STAM: variants seen among roughly 807,000 people sequenced by gnomAD.
STAM encodes the protein signal transducing adaptor molecule.
Under a neutral mutation model 63.4 loss-of-function variants are expected in STAM, and 16 were observed. That is an observed-to-expected ratio of 0.25 (90% confidence interval 0.17 to 0.38). The LOEUF (loss-of-function observed/expected upper bound fraction) is 0.38, where lower values mean the gene tolerates loss of function less well. Ranked by LOEUF, STAM falls within the 10% of genes least tolerant of loss-of-function variation. The pLI is 1.00. For synonymous variants in STAM, 238 were observed against 223.9 expected (o/e 1.06, Z -0.56); for missense variants, 636 against 657.1 (o/e 0.97, Z 0.35).
chr10:17,691,116 T>C lies in STAM; in HGVS notation c.445-2106T>C, dbSNP rs202178748. 3.3e-5 allele frequency among the ~76,000 whole-genome samples: 5 copies of C among 152,338 alleles called. No individual in the cohort carries two copies. In the East Asian group the frequency reaches 9.6e-4, roughly 29 times the overall value. On this transcript the variant is annotated intron_variant, in intron 5 of 13. Coordinates refer to ENST00000377524, the MANE Select transcript of STAM (RefSeq NM_003473.4). ...TGTAGTTTTCAGAAGTGTCTGATAA[T>C]TAAAACATTATCTAAAGAAAATTGC...
At chr10:17,674,527 C>T (rs797038477) in intron 2 of STAM, among the ~76,000 whole-genome samples, 53 of 152,298 alleles carry the variant, frequency 3.5e-4, no homozygotes, top group African/African-American at 1.2e-3. Flanking sequence ...AAGGCCTCTG[C>T]TTGTGGCTTG....
intron 2 of STAM, among the ~76,000 whole-genome samples, chr10:17,681,568 A>G (rs946425970): frequency 8.5e-5 from 13 of 152,282 alleles, no homozygotes; most frequent in Admixed American, 2.0e-4. Context: ...CAAATAATTT[A>G]TAGATGTTGA....
chr10:17,683,793 G>C (rs1368746121), intron 2 of STAM, among the ~76,000 whole-genome samples: 2 of 152,126 alleles, frequency 1.3e-5, no homozygotes, highest in Non-Finnish European at 2.9e-5. Context: ...TTTTCTGCTA[G>C]TTGTGTATGG....
intron 12 of STAM, among the ~76,000 whole-genome samples, chr10:17,708,040 G>A (rs1554829551): frequency 6.6e-6 from 1 of 152,112 alleles, no homozygotes; most frequent in South Asian, 2.1e-4. Flanking sequence ...GCAGGCGCCC[G>A]CCACCACGCC....
intron 2 of STAM, among the ~76,000 whole-genome samples, chr10:17,673,435 C>A (rs1210827124): frequency 6.6e-6 from 1 of 152,138 alleles, no homozygotes; most frequent in Non-Finnish European, 1.5e-5. Flanking sequence ...GCATCAGCCA[C>A]GTTGAAGGCA....
intron 11 of STAM, among the ~76,000 whole-genome samples, chr10:17,705,248 T>C (rs1053431317): frequency 1.3e-5 from 2 of 152,128 alleles, no homozygotes; most frequent in Admixed American, 6.6e-5. Context: ...CCAGCGTAGA[T>C]AGGTCGTTTT....
In STAM at chr10:17,696,311, T is replaced by A. The variant is rs555840932; in HGVS notation, c.729-464T>A. Among the ~76,000 whole-genome samples, 30 of 152,242 alleles carry A rather than the reference T, an allele frequency of 2.0e-4. No individual in the cohort carries two copies. The South Asian group carries it at 6.2e-3, about 32-fold the overall frequency. On this transcript the variant is annotated intron_variant, in intron 7 of 13. Coordinates refer to ENST00000377524, the MANE Select transcript of STAM (RefSeq NM_003473.4). ...AGTTTACACCTAGGAGTGTACTCTT[T>A]GCGAATGTTTTGCACTGTGAACAGT...
chr10:17,714,905 A>T lies in STAM; in HGVS notation c.*125A>T. On this transcript the variant is annotated 3_prime_UTR_variant, in exon 14 of 14. Transcript: ENST00000377524. ...GAATCTCTCCAGGTCAACAGGTTCA[A>T]ATATTCAAGAAGGTAGAACTCTCCT... The T allele has an allele frequency of 1.1e-6, 1 of 931,576 alleles. No individual in the cohort carries two copies. Among genetic ancestry groups the T allele is most frequent in the Non-Finnish European group, 1.7e-6 (1 of 598,170 alleles). 57.7% of individuals were successfully genotyped at this position (931,576 alleles called of 1,614,324 possible). A position where few individuals can be genotyped will look rare whatever the true frequency, so the allele number is the denominator to read the frequency against.
intron 8 of STAM, among the ~76,000 whole-genome samples, chr10:17,699,045 G>A (rs935129462): frequency 2.0e-5 from 3 of 152,116 alleles, no homozygotes; most frequent in South Asian, 2.1e-4. Flanking sequence ...CACACAACAC[G>A]GAGTACCCAA....
chr10:17,700,057 T>G, intron 8 of STAM, 134 bp from the exon 9 acceptor site: 1 of 567,848 alleles, frequency 1.8e-6, no homozygotes, highest in Non-Finnish European at 2.9e-6. Context: ...GCAACTCAGT[T>G]ATTTCTTAAA....
rs1835927003 is a variant in STAM, at chr10:17,700,173, C to T, written c.824-18C>T. On this transcript the variant is annotated intron_variant, in intron 8 of 13. Transcript: ENST00000377524. ...TAAATGTATTATTAAAAAAAGATAA[C>T]TTTTACATATCTTACAGTTAAAACA... 1 of 1,569,706 alleles carries T rather than the reference C, an allele frequency of 6.4e-7. No individual in the cohort carries two copies. The highest frequency in any genetic ancestry group is 8.7e-7 in the Non-Finnish European group (1 of 1,152,926).
chr10:17,671,190 C>T (rs1468193597), intron 2 of STAM, among the ~76,000 whole-genome samples: 1 of 152,186 alleles, frequency 6.6e-6, no homozygotes, highest in Non-Finnish European at 1.5e-5. Flanking sequence ...TGCACATACT[C>T]CTCCTTCCTC....
chr10:17,716,307 A>T lies in STAM; in HGVS notation c.*1527A>T, dbSNP rs1362560050. On this transcript the variant is annotated 3_prime_UTR_variant, in exon 14 of 14. Transcript: ENST00000377524. ...GAGAAGATTAAATCTTTAGCCAGTAATCTTAAGGGTGACTAATTTCACAGA... is the reference window on the plus strand; with the variant it reads ...GAGAAGATTAAATCTTTAGCCAGTATTCTTAAGGGTGACTAATTTCACAGA... 6.6e-6 allele frequency among the ~76,000 whole-genome samples: 1 copy of T among 152,016 alleles called. No homozygotes were observed. Among genetic ancestry groups the T allele is most frequent in the Non-Finnish European group, 1.5e-5 (1 of 67,948 alleles).
chr10:17,698,142 T>C (rs1170126971), intron 8 of STAM, among the ~76,000 whole-genome samples: 1 of 152,188 alleles, frequency 6.6e-6, no homozygotes, highest in African/African-American at 2.4e-5. Context: ...CTCATAGTTA[T>C]TGCCAGGGTG....
In STAM at chr10:17,669,161, T is replaced by C. The variant is rs1371681786; in HGVS notation, c.125+8613T>C. Among the ~76,000 whole-genome samples, 5 of 152,212 alleles carry C rather than the reference T, an allele frequency of 3.3e-5. No homozygotes were observed. The East Asian group carries it at 7.7e-4, about 23-fold the overall frequency. On this transcript the variant is annotated intron_variant, in intron 2 of 13. Transcript: ENST00000377524. ...TTCTTTTCTATTTGGCTACCAAATA[T>C]CCCAACACCATTTACTGAATCGTCC...
At chr10:17,660,579 T>G in intron 2 of STAM, 31 bp downstream of exon 2, 1 of 1,544,228 alleles carries the variant, frequency 6.5e-7, no homozygotes, top group Non-Finnish European at 8.8e-7. Flanking sequence ...AGGATTTTTA[T>G]TCTTTCTTTT....
At chr10:17,657,127 G>C (rs1554822238) in intron 1 of STAM, among the ~76,000 whole-genome samples, 2 of 152,074 alleles carry the variant, frequency 1.3e-5, no homozygotes, top group Admixed American at 6.5e-5. Context: ...CCCTGCCTGG[G>C]CTCACTCACT....
At chr10:17,693,448 T>C (rs1461085483) in intron 6 of STAM, 136 bp downstream of exon 6, 10 of 653,968 alleles carry the variant, frequency 1.5e-5, no homozygotes, top group Non-Finnish European at 2.2e-5. Context: ...TATTCTTTGC[T>C]TTACTCTTGA....
intron 2 of STAM, among the ~76,000 whole-genome samples, chr10:17,661,797 C>T (rs1175118385): frequency 6.6e-6 from 1 of 152,132 alleles, no homozygotes; most frequent in Non-Finnish European, 1.5e-5. Context: ...CCAAATGGTG[C>T]AGAGGCAGTT....
Sources: gnomAD v4.1 joint callset for allele counts (sites outside exome capture counted in the v4.1 genomes callset) on GRCh38, gnomAD v4.1.1 for gene constraint, MANE v1.5 for transcripts, NCBI Gene and HGNC (gene_info 2026-07-23, HGNC 2026-07-21) for gene names.